The following ALOXE3 variants were observed in gnomAD, a reference collection of about 807,000 sequenced individuals.
ALOXE3 encodes the protein hydroperoxide isomerase ALOXE3.
In ALOXE3, 78 loss-of-function variants were observed where a neutral mutation model predicts 87.5. The ratio of observed to expected loss-of-function variants is 0.89; its 90% CI spans 0.74 to 1.08. The LOEUF is 1.08. ALOXE3 is among the 50% of genes least tolerant of loss of function. ALOXE3 has a pLI of 0.00. For missense variants in ALOXE3, 946 were observed against 912.4 expected, an observed-to-expected ratio of 1.04 and a Z score of -0.47; for synonymous variants, 363 against 370.8, an observed-to-expected ratio of 0.98 and a Z score of 0.24.
At chr17:8,100,696 G>T (rs1978869745) in intron 15 of ALOXE3, among the ~76,000 whole-genome samples, 1 of 152,022 alleles carries the variant, frequency 6.6e-6, no homozygotes, top group African/African-American at 2.4e-5. Flanking sequence ...CATGCACACT[G>T]CAGCCTTGAA....
chr17:8,103,174 T>A, intron 15 of ALOXE3, 149 bp downstream of exon 15: 1 of 885,182 alleles, frequency 1.1e-6, no homozygotes, highest in Non-Finnish European at 1.8e-6. Flanking sequence ...TTTGGGATTA[T>A]CATTTTCTGA....
chr17:8,103,639 T>C (rs1979069706), intron 14 of ALOXE3, 146 bp from the exon 15 acceptor site: 4 of 924,610 alleles, frequency 4.3e-6, no homozygotes, highest in Non-Finnish European at 6.8e-6. Context: ...AGCTGGGAAA[T>C]GAGGGGATCA....
chr17:8,109,365 G>A, intron 11 of ALOXE3, 22 bp from the exon 12 acceptor site: 1 of 1,611,494 alleles, frequency 6.2e-7, no homozygotes, highest in Admixed American at 1.7e-5. Context: ...GCACAGCTCG[G>A]CTCCCGGGCC....
chr17:8,108,495 G>A lies in ALOXE3; in HGVS notation c.1657C>T (p.Gln553Ter), dbSNP rs1336622063. The A allele has an allele frequency of 1.2e-6, 2 of 1,613,388 alleles. No homozygotes were observed. Among genetic ancestry groups the A allele is most frequent in the African/African-American group, 1.3e-5 (1 of 75,046 alleles). Reference protein sequence around the residue: ...LQAWTGEIFAQAFLGRESSGF... With the variant: ...LQAWTGEIFA ...GAGCTTTCCCGGCCCAGGAACGCCTGAGCAAAAATCTCGCCAGTCCAGGCC... is the reference window on the plus strand; with the variant it reads ...GAGCTTTCCCGGCCCAGGAACGCCTAAGCAAAAATCTCGCCAGTCCAGGCC... The change falls in exon 13 of 16, where the codon CAG (glutamine) becomes TAG (stop). Residue 553 changes from glutamine (Q) to a stop codon, truncating the protein, a stop_gained. Transcript: ENST00000448843. LOFTEE classifies it high-confidence loss of function.
At chr17:8,118,863 G>C, upstream of ALOXE3, 1 of 1,526,732 alleles carries the variant, frequency 6.5e-7, no homozygotes, top group Non-Finnish European at 8.7e-7. Flanking sequence ...AGGGACTGGG[G>C]AGGAACCTCT....
Position 8,111,357 on chromosome 17 carries a change from A to C in ALOXE3, c.957+2T>G, listed in dbSNP as rs1176347574. 1 of 1,612,208 alleles carries C rather than the reference A, an allele frequency of 6.2e-7. No individual in the cohort carries two copies. On this transcript the variant is annotated splice_donor_variant, in intron 8 of 15. Coordinates refer to ENST00000448843, the MANE Select transcript of ALOXE3 (RefSeq NM_021628.3). LOFTEE classifies it high-confidence loss of function. ...AGGCCCACTGCCCAGATCCTTACCCACCTCTAGCTCTGTCTGCAGGCATGT... is the reference window on the plus strand; with the variant it reads ...AGGCCCACTGCCCAGATCCTTACCCCCCTCTAGCTCTGTCTGCAGGCATGT...
At chr17:8,105,890 G>A (rs1333153378) in intron 13 of ALOXE3, among the ~76,000 whole-genome samples, 2 of 124,236 alleles carry the variant, frequency 1.6e-5, no homozygotes, top group Admixed American at 2.0e-4. Context: ...ACTCCAGTCT[G>A]AGCATCAAAG....
rs768198532 is a variant in ALOXE3, at chr17:8,114,468, G to A, written c.680+16C>T. On this transcript the variant is annotated intron_variant, in intron 6 of 15. Transcript: ENST00000448843. ...GCAGAGATGTAAGATGTTCATTAGA[G>A]GGACAATGGCCTTACGCAGGGATGG... The A allele has an allele frequency of 1.2e-6, 2 of 1,614,000 alleles. No homozygotes were observed. Among genetic ancestry groups the A allele is most frequent in the Non-Finnish European group, 1.7e-6 (2 of 1,179,960 alleles).
chr17:8,105,705 C>A (rs1979249334), intron 13 of ALOXE3, among the ~76,000 whole-genome samples: 1 of 151,982 alleles, frequency 6.6e-6, no homozygotes, highest in Non-Finnish European at 1.5e-5. Context: ...GAGTTTGAGA[C>A]CAGCCTGGGC....
At chr17:8,109,484 G>T in intron 11 of ALOXE3, 141 bp from the exon 12 acceptor site, 1 of 1,165,160 alleles carries the variant, frequency 8.6e-7, no homozygotes, top group Non-Finnish European at 1.2e-6. Flanking sequence ...ACCCACGAGG[G>T]CCTGCCTGAC....
At chr17:8,111,984 G>A in intron 7 of ALOXE3, 109 bp downstream of exon 7, 1 of 1,009,144 alleles carries the variant, frequency 9.9e-7, no homozygotes, top group Non-Finnish European at 1.6e-6. Context: ...CTCAAATCCA[G>A]CAGTCTCCCT....
chr17:8,106,433 T>C (rs567434894), intron 13 of ALOXE3, among the ~76,000 whole-genome samples: 15 of 152,134 alleles, frequency 9.9e-5, no homozygotes, highest in African/African-American at 3.6e-4. Context: ...TAGTGTCAGC[T>C]ACTTGGAAGG....
intron 13 of ALOXE3, among the ~76,000 whole-genome samples, chr17:8,107,630 T>C (rs1979420042): frequency 6.8e-6 from 1 of 146,534 alleles, no homozygotes; most frequent in South Asian, 2.1e-4. Context: ...AAATCCTGTC[T>C]CTACTAAAAA....
chr17:8,100,043 G>T (rs1481483105), intron 15 of ALOXE3, among the ~76,000 whole-genome samples: 5 of 151,130 alleles, frequency 3.3e-5, no homozygotes, highest in African/African-American at 4.9e-5. Context: ...TCCAGCCTGG[G>T]TGACCCTGTC....
At position 8,096,594 on chromosome 17, in the gene ALOXE3, C is replaced by G. The variant is rs1978553281; in HGVS notation, c.*33G>C. 1 of 1,011,350 alleles carries G rather than the reference C, an allele frequency of 9.9e-7. No homozygotes were observed. Among genetic ancestry groups the G allele is most frequent in the South Asian group, 1.3e-5 (1 of 79,158 alleles). 62.6% of individuals were successfully genotyped at this position (1,011,350 alleles called of 1,614,324 possible). A position where few individuals can be genotyped will look rare whatever the true frequency, so the allele number is the denominator to read the frequency against. On this transcript the variant is annotated 3_prime_UTR_variant, in exon 16 of 16. Transcript: ENST00000448843. ...GAACTGGTCCTCCTCATGCTTGGAC[C>G]TTTCTTTCTTCTTGGGTGGTATTTG...
Position 8,112,096 on chromosome 17 carries a change from T to C in ALOXE3, c.781A>G (p.Thr261Ala). ...NIFWCHKTFT[T>A]KYVTEHWCED... ...TCTCCTGCCTGGCTCTGCTCACTTG[T>C]CGTGAAGGTCTTATGGCACCAGAAG... The change falls in exon 7 of 16, where the codon ACA (threonine) becomes GCA (alanine). Residue 261 changes from threonine to alanine, a missense_variant. Thr to Ala is a moderately conservative substitution (Grantham distance 58). Transcript: ENST00000448843. 6.2e-7 allele frequency: 1 copy of C among 1,613,876 alleles called. No individual in the cohort carries two copies. The highest frequency in any genetic ancestry group is 1.3e-5 in the African/African-American group (1 of 75,030).
intron 6 of ALOXE3, 106 bp downstream of exon 6, chr17:8,114,378 G>C: frequency 6.6e-7 from 1 of 1,506,126 alleles, no homozygotes; most frequent in Non-Finnish European, 9.2e-7. Context: ...GACTGGGGCA[G>C]GGAGAGGGGA....
chr17:8,118,106 G>A lies in ALOXE3; in HGVS notation c.-116C>T, dbSNP rs1367272322. 5.8e-6 allele frequency: 9 copies of A among 1,554,042 alleles called. No homozygotes were observed. The highest frequency in any genetic ancestry group is 2.4e-5 in the East Asian group (1 of 41,474). On this transcript the variant is annotated 5_prime_UTR_variant, in exon 2 of 16. Transcript: ENST00000448843. ...TTCTGGGCGGAGGGCTAGGGGCTGC[G>A]GGGCTGGGTAGGGCTGAGGATGGGC... is the stretch of plus-strand genomic sequence containing the variant.
chr17:8,109,717 G>C (rs1979851288), intron 11 of ALOXE3, among the ~76,000 whole-genome samples, 199 bp downstream of exon 11: 1 of 151,554 alleles, frequency 6.6e-6, no homozygotes, highest in African/African-American at 2.4e-5. Flanking sequence ...GGGGGAGACA[G>C]GGTCTGTGAA....
Sources: gnomAD v4.1 joint callset for allele counts (sites outside exome capture counted in the v4.1 genomes callset) on GRCh38, gnomAD v4.1.1 for gene constraint, MANE v1.5 for transcripts, NCBI Gene and HGNC (gene_info 2026-07-23, HGNC 2026-07-21) for gene names.